LRBA: variants seen among roughly 807,000 people sequenced by gnomAD.
The protein encoded by LRBA is lipopolysaccharide-responsive and beige-like anchor protein.
A neutral mutation model predicts 330.0 loss-of-function variants in LRBA; 176 were observed. The observed-to-expected ratio is 0.53, with a 90% CI of 0.47 to 0.60. The LOEUF is 0.60. Ranked by LOEUF, LRBA falls within the 20% of genes least tolerant of loss-of-function variation. The pLI, the probability that LRBA is intolerant of heterozygous loss-of-function variation, is 0.00. For synonymous variants in LRBA, 1,230 were observed against 1,193.0 expected, an observed-to-expected ratio of 1.03 and a Z score of -0.64; for missense variants, 3,259 against 3,444.8, an observed-to-expected ratio of 0.95 and a Z score of 1.35.
At chr4:150,939,731 G>A (rs1735462310) in intron 2 of LRBA, among the ~76,000 whole-genome samples, 1 of 152,138 alleles carries the variant, frequency 6.6e-6, no homozygotes, top group Non-Finnish European at 1.5e-5. Context: ...TCTTCACCCA[G>A]ACCTTCCTAC....
intron 31 of LRBA, among the ~76,000 whole-genome samples, chr4:150,816,261 C>G (rs180969589): frequency 6.6e-6 from 1 of 151,894 alleles, no homozygotes; most frequent in African/African-American, 2.4e-5. Flanking sequence ...CTTTATTTTC[C>G]GTCAATCTCA....
intron 17 of LRBA, among the ~76,000 whole-genome samples, chr4:150,887,423 T>A (rs1310480476): frequency 6.6e-6 from 1 of 151,438 alleles, no homozygotes; most frequent in Non-Finnish European, 1.5e-5. Flanking sequence ...AGACCCAAAG[T>A]GAAAGGAGAA....
At chr4:150,299,379 T>C (rs1729365792) in intron 53 of LRBA, among the ~76,000 whole-genome samples, 1 of 152,070 alleles carries the variant, frequency 6.6e-6, no homozygotes, top group Non-Finnish European at 1.5e-5. Context: ...TGAAAAACTA[T>C]CTGGTATACA....
chr4:150,777,066 T>TTGTTGTTGTTGTTG (rs1553959732), intron 34 of LRBA, among the ~76,000 whole-genome samples: 1 of 134,306 alleles, frequency 7.4e-6, no homozygotes, highest in Non-Finnish European at 1.5e-5. Flanking sequence ...TTTGAGGGGT[T>TTGTTGTTGTTGTTG]TTGTTGTTGT....
At chr4:150,500,225 T>C (rs1760089008) in intron 40 of LRBA, among the ~76,000 whole-genome samples, 1 of 151,750 alleles carries the variant, frequency 6.6e-6, no homozygotes, top group African/African-American at 2.4e-5. Context: ...TACGTACAAC[T>C]GTTGCTTAAA....
intron 35 of LRBA, among the ~76,000 whole-genome samples, chr4:150,747,945 G>A (rs552953644): frequency 2.8e-4 from 43 of 152,146 alleles, no homozygotes; most frequent in Non-Finnish European, 4.7e-4. Flanking sequence ...AAATCTTCAC[G>A]TGGATACCCA....
At chr4:150,927,372 T>TAA (rs556103105) in intron 4 of LRBA, among the ~76,000 whole-genome samples, 8 of 125,898 alleles carry the variant, frequency 6.4e-5, no homozygotes, top group African/African-American at 8.8e-5. Context: ...GACTCTGCCT[T>TAA]AAAAAAAAAA....
At chr4:150,371,192 T>C (rs960462387) in intron 47 of LRBA, among the ~76,000 whole-genome samples, 2 of 132,312 alleles carry the variant, frequency 1.5e-5, no homozygotes, top group African/African-American at 6.0e-5. Context: ...ATTTTTTTTT[T>C]TTTTTTTTTT....
chr4:150,880,449 G>A lies in LRBA; in HGVS notation c.2166-7694C>T, dbSNP rs146662841. ...GTGGGAAGATCGCTTCAGATGCAGA[G>A]GCAGAGGCTGTAGTGAGCTGTGATC... On this transcript the variant is annotated intron_variant, in intron 17 of 56. Transcript: ENST00000651943. Among the ~76,000 whole-genome samples, 646 of 151,608 alleles carry A rather than the reference G, an allele frequency of 4.3e-3. 3 individuals carry two copies. Among genetic ancestry groups the A allele is most frequent in the African/African-American group, 0.015 (616 of 41,362 alleles).
chr4:150,420,418 AGT>A (rs1320162749), intron 46 of LRBA, among the ~76,000 whole-genome samples: 53 of 133,640 alleles, frequency 4.0e-4, no homozygotes, highest in African/African-American at 1.0e-3. Flanking sequence ...TACACATTAT[AGT>A]ATATATAAAG....
Position 150,271,564 on chromosome 4 carries a change from G to A in LRBA, c.8469-5752C>T, listed in dbSNP as rs940096051. On this transcript the variant is annotated intron_variant, in intron 56 of 56. Transcript: ENST00000651943. ...GCCAGGGAGCCAAGTGGTCTGGCTCGGTGGGTCCCACTCCCATGGAGCCCA... is the reference window on the plus strand; with the variant it reads ...GCCAGGGAGCCAAGTGGTCTGGCTCAGTGGGTCCCACTCCCATGGAGCCCA... Among the ~76,000 whole-genome samples the A allele has an allele frequency of 3.9e-5, 5 of 127,150 alleles. 2 individuals carry two copies. Among genetic ancestry groups the A allele is most frequent in the African/African-American group, 1.1e-4 (3 of 27,712 alleles). 83.4% of individuals were successfully genotyped at this position (127,150 alleles called of 152,430 possible).
chr4:150,407,577 CA>C, intron 47 of LRBA, among the ~76,000 whole-genome samples: 1 of 152,240 alleles, frequency 6.6e-6, no homozygotes, highest in South Asian at 2.1e-4. Context: ...GCAGAATATC[CA>C]TTCTTCTAAA....
intron 34 of LRBA, among the ~76,000 whole-genome samples, chr4:150,787,736 T>A (rs1169327014): frequency 1.3e-5 from 2 of 152,222 alleles, no homozygotes; most frequent in East Asian, 3.8e-4. Context: ...GTCACACTCT[T>A]GTGCTATCAA....
At chr4:150,565,589 A>T (rs1769022401) in intron 40 of LRBA, among the ~76,000 whole-genome samples, 1 of 152,142 alleles carries the variant, frequency 6.6e-6, no homozygotes, top group African/African-American at 2.4e-5. Context: ...ATATATAATT[A>T]GTATACATTT....
chr4:150,525,215 T>C (rs981467258), intron 40 of LRBA, among the ~76,000 whole-genome samples: 6 of 151,720 alleles, frequency 4.0e-5, no homozygotes, highest in African/African-American at 1.2e-4. Context: ...TCTGCATATT[T>C]AAAAAAAACT....
chr4:150,527,378 C>T (rs1763589559), intron 40 of LRBA, among the ~76,000 whole-genome samples: 1 of 152,086 alleles, frequency 6.6e-6, no homozygotes, highest in African/African-American at 2.4e-5. Flanking sequence ...AAGTTCTATA[C>T]CTAATCAAAC....
At chr4:150,415,330 AC>A in intron 47 of LRBA, 107 bp downstream of exon 47, 1 of 851,888 alleles carries the variant, frequency 1.2e-6, no homozygotes, top group East Asian at 2.6e-5. Context: ...TAGTCCTATC[AC>A]CTACAGCTTT....
At chr4:150,687,847 G>A (rs1464014725) in intron 36 of LRBA, among the ~76,000 whole-genome samples, 1 of 152,092 alleles carries the variant, frequency 6.6e-6, no homozygotes, top group Non-Finnish European at 1.5e-5. Context: ...TGGATAGGAA[G>A]AATCAATATC....
chr4:150,610,441 T>C (rs1388225426), intron 37 of LRBA, among the ~76,000 whole-genome samples: 1 of 152,006 alleles, frequency 6.6e-6, no homozygotes, highest in African/African-American at 2.4e-5. Flanking sequence ...CATAAAAAAT[T>C]ATCTGGGCGT....
Sources: gnomAD v4.1 joint callset for allele counts (sites outside exome capture counted in the v4.1 genomes callset) on GRCh38, gnomAD v4.1.1 for gene constraint, MANE v1.5 for transcripts, NCBI Gene and HGNC (gene_info 2026-07-23, HGNC 2026-07-21) for gene names.